The following TRPM6 variants were observed in gnomAD, a reference collection of about 807,000 sequenced individuals.
The protein encoded by TRPM6 is transient receptor potential cation channel subfamily M member 6.
TRPM6 carries 111 observed loss-of-function variants against 247.6 expected under a neutral mutation model. The ratio of observed to expected loss-of-function variants is 0.45; its 90% CI spans 0.38 to 0.52. The LOEUF is 0.52. Ranked by LOEUF, TRPM6 falls within the 20% of genes least tolerant of loss-of-function variation. The pLI, the probability that TRPM6 is intolerant of heterozygous loss-of-function variation, is 0.00. For missense variants in TRPM6, 2,126 were observed against 2,421.5 expected (o/e 0.88, Z 2.56); for synonymous variants, 892 against 853.8 (o/e 1.04, Z -0.78).
chr9:74,872,636 G>C (rs1029567438), intron 1 of TRPM6, among the ~76,000 whole-genome samples: 6 of 148,440 alleles, frequency 4.0e-5, no homozygotes, highest in African/African-American at 1.3e-4. Flanking sequence ...ATGCGCGCAC[G>C]TGTGTACATG....
chr9:74,830,083 A>T (rs73534381), intron 6 of TRPM6, among the ~76,000 whole-genome samples: 1,707 of 152,244 alleles, frequency 0.011, 30 homozygotes, highest in African/African-American at 0.039. Flanking sequence ...GTGAGCTATG[A>T]TCATGCCATT....
At chr9:74,824,824 T>G (rs1486007032) in intron 7 of TRPM6, among the ~76,000 whole-genome samples, 1 of 152,004 alleles carries the variant, frequency 6.6e-6, no homozygotes, top group East Asian at 1.9e-4. Flanking sequence ...AAGCTGACAT[T>G]GGCCACATTT....
In TRPM6 at chr9:74,761,763, G is replaced by T. The variant is rs151207028; in HGVS notation, c.4718C>A (p.Ala1573Glu). Residue 1573 changes from alanine (A) to glutamate (E), a missense_variant, in exon 27 of 39, where the codon GCG (alanine) becomes GAG (glutamate). By Grantham distance (107) the Ala-to-Glu change is moderately radical. Around this residue, in one of 3 missense-constraint regions of TRPM6, gnomAD observed 717 missense variants for 715.9 expected, o/e 1.00. Transcript: ENST00000360774. ...SEIGQGAWVK[A>E]KMLTKDRRLS... is the part of the protein sequence containing the mutation. ...TCTCCTGTCTTTGGTTAGCATTTTC[G>T]CTTTGACCCATGCTCCCTGCCCTAT... 9.0e-5 allele frequency: 146 copies of T among 1,613,776 alleles called. No individual in the cohort carries two copies. The highest frequency in any genetic ancestry group is 1.2e-4 in the Non-Finnish European group (140 of 1,179,934).
intron 19 of TRPM6, among the ~76,000 whole-genome samples, chr9:74,791,295 T>C (rs1202428782): frequency 6.6e-6 from 1 of 152,158 alleles, no homozygotes; most frequent in Admixed American, 6.6e-5. Context: ...TCAATAAGTA[T>C]AGGAAATAAG....
Position 74,726,646 on chromosome 9 carries a change from T to C in TRPM6, c.5935+1593A>G, listed in dbSNP as rs78542213. On this transcript the variant is annotated intron_variant, in intron 38 of 38. Coordinates refer to ENST00000360774, the MANE Select transcript of TRPM6 (RefSeq NM_017662.5). ...TTCTGTCTCAAGTCTCCCTGTGTCC[T>C]GGCTCCTTAGATGTAGTACTTGTGT... 1.1e-3 allele frequency among the ~76,000 whole-genome samples: 175 copies of C among 152,354 alleles called. 3 individuals are homozygous for C. The highest frequency in any genetic ancestry group is 3.8e-3 in the African/African-American group (160 of 41,582).
At chr9:74,808,272 T>C in intron 13 of TRPM6, 98 bp from the exon 14 acceptor site, 1 of 1,435,242 alleles carries the variant, frequency 7.0e-7, no homozygotes, top group Non-Finnish European at 9.8e-7. Context: ...TGCAAGAAGG[T>C]AGACATACCT....
chr9:74,846,388 T>C (rs1830108873), intron 3 of TRPM6, among the ~76,000 whole-genome samples: 2 of 152,336 alleles, frequency 1.3e-5, no homozygotes, highest in South Asian at 2.1e-4. Flanking sequence ...GGCCCTATCA[T>C]ATTATTTTAA....
intron 3 of TRPM6, among the ~76,000 whole-genome samples, chr9:74,852,015 G>T (rs1010298280): frequency 2.0e-5 from 3 of 151,636 alleles, no homozygotes; most frequent in South Asian, 4.2e-4. Flanking sequence ...ATGCCAGGAG[G>T]GGGGTAGCTA....
intron 26 of TRPM6, 79 bp downstream of exon 26, chr9:74,761,920 G>A (rs1202864291): frequency 6.5e-7 from 1 of 1,542,648 alleles, no homozygotes; most frequent in Non-Finnish European, 8.9e-7. Flanking sequence ...AAGAGTCACA[G>A]ATTTAAAAAA....
At chr9:74,842,492 T>C (rs896076750) in intron 3 of TRPM6, 149 bp from the exon 4 acceptor site, 1 of 820,174 alleles carries the variant, frequency 1.2e-6, no homozygotes, top group Non-Finnish European at 2.0e-6. Context: ...CATAGGACTG[T>C]CTTCTAAGTT....
chr9:74,784,864 C>A (rs746572086), intron 21 of TRPM6, among the ~76,000 whole-genome samples: 5 of 152,180 alleles, frequency 3.3e-5, no homozygotes, highest in Non-Finnish European at 5.9e-5. Flanking sequence ...GTAATCCCAG[C>A]ATTTTGGGAG....
At chr9:74,834,702 T>C (rs1453936422) in intron 5 of TRPM6, among the ~76,000 whole-genome samples, 2 of 140,234 alleles carry the variant, frequency 1.4e-5, no homozygotes, top group Non-Finnish European at 1.5e-5. Flanking sequence ...AGTGAGAACA[T>C]GCGGTGTCTG....
At chr9:74,847,956 G>T (rs1440113391) in intron 3 of TRPM6, among the ~76,000 whole-genome samples, 4 of 152,090 alleles carry the variant, frequency 2.6e-5, no homozygotes. Context: ...AAACCTAATT[G>T]CTGTCAATCA....
intron 1 of TRPM6, among the ~76,000 whole-genome samples, chr9:74,883,449 C>A (rs1298572651): frequency 1.3e-5 from 2 of 152,134 alleles, no homozygotes; most frequent in East Asian, 1.9e-4. Context: ...ATCTCACTAT[C>A]CCTTTCTATC....
intron 1 of TRPM6, among the ~76,000 whole-genome samples, chr9:74,882,261 C>G (rs1831387253): frequency 6.6e-6 from 1 of 152,078 alleles, no homozygotes; most frequent in African/African-American, 2.4e-5. Context: ...CAAATGAGAC[C>G]ATGTTAAACT....
intron 3 of TRPM6, 110 bp from the exon 4 acceptor site, chr9:74,842,453 T>G (rs1829975269): frequency 3.6e-6 from 4 of 1,120,676 alleles, no homozygotes; most frequent in African/African-American, 3.1e-5. Flanking sequence ...TCTTAAAACT[T>G]CACATTAAGG....
chr9:74,805,980 T>G (rs958365667), intron 14 of TRPM6, among the ~76,000 whole-genome samples: 45 of 152,324 alleles, frequency 3.0e-4, no homozygotes, highest in African/African-American at 1.1e-3. Flanking sequence ...TAAGGAATTA[T>G]TCATTGATTA....
At chr9:74,845,558 T>C (rs987319053) in intron 3 of TRPM6, among the ~76,000 whole-genome samples, 5 of 152,028 alleles carry the variant, frequency 3.3e-5, no homozygotes, top group South Asian at 4.2e-4. Flanking sequence ...AGGCCAAGGG[T>C]AGTGGCTCAC....
rs1008623549 is a variant in TRPM6, at chr9:74,797,997, A to C, written c.2239-1104T>G. Among the ~76,000 whole-genome samples, 11 of 152,266 alleles carry C rather than the reference A, an allele frequency of 7.2e-5. No homozygotes were observed. In the East Asian group the frequency reaches 2.1e-3, roughly 29 times the overall value. Reference sequence around the variant, plus strand: ...GGAGGGTATAGATCCAGACATCCACAAGTTTTTTTCATTATATTGCTATTA... The same window carrying C: ...GGAGGGTATAGATCCAGACATCCACCAGTTTTTTTCATTATATTGCTATTA... On this transcript the variant is annotated intron_variant, in intron 17 of 38. Transcript: ENST00000360774.
Sources: gnomAD v4.1 joint callset for allele counts (sites outside exome capture counted in the v4.1 genomes callset) on GRCh38, gnomAD v4.1.1 for gene constraint, gnomAD v4.1.1 regional missense constraint, MANE v1.5 for transcripts, NCBI Gene and HGNC (gene_info 2026-07-23, HGNC 2026-07-21) for gene names.